The following DOCK3 variants were observed in gnomAD, a reference collection of about 807,000 sequenced individuals.
DOCK3 encodes the protein dedicator of cytokinesis 3.
In DOCK3, 60 loss-of-function variants were observed where a neutral mutation model predicts 265.6. That is an observed-to-expected ratio of 0.23 (90% CI 0.18 to 0.28). The LOEUF is 0.28. Ranked by LOEUF, DOCK3 falls within the 10% of genes least tolerant of loss-of-function variation. DOCK3 has a pLI of 1.00. For synonymous variants in DOCK3, 881 were observed against 938.0 expected (o/e 0.94, Z 1.11); for missense variants, 1,981 against 2,594.3 (o/e 0.76, Z 5.14).
chr3:51,007,310 G>A (rs1262772683), intron 5 of DOCK3, among the ~76,000 whole-genome samples: 2 of 152,088 alleles, frequency 1.3e-5, no homozygotes, highest in Admixed American at 6.6e-5. Context: ...TTTAATGATC[G>A]CCATTTTAAC....
chr3:51,012,925 C>T (rs565097720), intron 5 of DOCK3, among the ~76,000 whole-genome samples: 10 of 152,242 alleles, frequency 6.6e-5, no homozygotes, highest in Middle Eastern at 6.8e-3. Flanking sequence ...ACCCTTTCTT[C>T]TACTTGATCG....
intron 27 of DOCK3, among the ~76,000 whole-genome samples, chr3:51,295,968 G>C (rs578084715): frequency 1.9e-4 from 29 of 152,282 alleles, no homozygotes; most frequent in African/African-American, 6.3e-4. Flanking sequence ...AGCCTCCCAA[G>C]TAGCTGGAAC....
intron 4 of DOCK3, among the ~76,000 whole-genome samples, chr3:50,914,835 C>T (rs1252697135): frequency 1.3e-5 from 2 of 152,084 alleles, no homozygotes; most frequent in Non-Finnish European, 2.9e-5. Context: ...GCTTTTCCCA[C>T]AATGGGGAGA....
Position 50,732,711 on chromosome 3 carries a change from A to G in DOCK3, c.38-45964A>G, listed in dbSNP as rs574764839. 8.5e-5 allele frequency among the ~76,000 whole-genome samples: 13 copies of G among 152,242 alleles called. No homozygotes were observed. The South Asian group carries it at 2.7e-3, about 32-fold the overall frequency. ...CAGGTGTGAACCACTGTACCTGGCC[A>G]TAAAAAATGAATTACGTATTTCTAT... On this transcript the variant is annotated intron_variant, in intron 1 of 52. Transcript: ENST00000266037.
At chr3:50,925,321 G>C (rs898039916) in intron 4 of DOCK3, among the ~76,000 whole-genome samples, 2 of 152,148 alleles carry the variant, frequency 1.3e-5, no homozygotes, top group African/African-American at 4.8e-5. Flanking sequence ...AGTATTTTAT[G>C]TATATCAGAT....
chr3:50,817,124 T>G (rs904095105), intron 2 of DOCK3, among the ~76,000 whole-genome samples: 1 of 152,238 alleles, frequency 6.6e-6, no homozygotes, highest in Non-Finnish European at 1.5e-5. Flanking sequence ...CTCCTCATTT[T>G]AGACCATATA....
At chr3:51,055,409 G>A (rs972307432) in intron 5 of DOCK3, among the ~76,000 whole-genome samples, 2 of 152,036 alleles carry the variant, frequency 1.3e-5, no homozygotes, top group African/African-American at 4.8e-5. Context: ...TTACTCTTAG[G>A]GCTTTTTTAG....
At chr3:51,085,998 GAC>G (rs1576017733) in intron 7 of DOCK3, among the ~76,000 whole-genome samples, 1 of 152,164 alleles carries the variant, frequency 6.6e-6, no homozygotes, top group South Asian at 2.1e-4. Flanking sequence ...AGGAATTAAA[GAC>G]ACACACACAG....
intron 5 of DOCK3, among the ~76,000 whole-genome samples, chr3:51,032,544 A>G (rs545109256): frequency 1.4e-4 from 21 of 152,050 alleles, no homozygotes; most frequent in African/African-American, 4.8e-4. Context: ...ACTATTTTCA[A>G]TCTTGTGTTC....
intron 5 of DOCK3, among the ~76,000 whole-genome samples, chr3:50,970,979 T>TA (rs56109049): frequency 0.75 from 52,494 of 69,662 alleles, 21,078 homozygotes; most frequent in East Asian, 0.9. Context: ...TATATATATA[T>TA]TTTTTTTATT....
chr3:50,889,972 A>G, intron 3 of DOCK3, 54 bp from the exon 4 acceptor site: 2 of 1,314,074 alleles, frequency 1.5e-6, no homozygotes, highest in Non-Finnish European at 2.0e-6. Flanking sequence ...TGTATATATG[A>G]AATGTTAATC....
At chr3:51,362,790 T>C in intron 49 of DOCK3, 116 bp downstream of exon 49, 1 of 1,412,878 alleles carries the variant, frequency 7.1e-7, no homozygotes, top group Non-Finnish European at 9.5e-7. Context: ...TAGAGAATAC[T>C]CATTTGTGCT....
chr3:51,105,846 C>T (rs530134058), intron 9 of DOCK3, among the ~76,000 whole-genome samples: 1 of 152,306 alleles, frequency 6.6e-6, no homozygotes, highest in South Asian at 2.1e-4. Flanking sequence ...CATGGGGCTA[C>T]CATGCACCAG....
chr3:51,214,227 T>C lies in DOCK3; in HGVS notation c.1232T>C (p.Phe411Ser), dbSNP rs2089659762. Residue 411 changes from phenylalanine to serine, a missense_variant, in exon 14 of 53, where the codon TTT becomes TCT. Physicochemically the swap from Phe to Ser is radical, Grantham distance 155 (BLOSUM62 -2). This residue lies in a region of DOCK3 where 456 missense variants were observed against 539.0 expected (regional missense o/e 0.85). Transcript: ENST00000266037. ...TTGGCAATTACAAGAAAATTGGGAT[T>C]TCCTGATGTCATTATGCCAGGTATG... is the stretch of plus-strand genomic sequence containing the variant. ...RGLAITRKLG[F>S]PDVIMPGDIR... 1 of 1,613,640 alleles carries C rather than the reference T, an allele frequency of 6.2e-7. No individual in the cohort carries two copies. Among genetic ancestry groups the C allele is most frequent in the Non-Finnish European group, 8.5e-7 (1 of 1,179,800 alleles).
chr3:50,862,438 A>G (rs976215665), intron 3 of DOCK3, among the ~76,000 whole-genome samples: 1 of 152,196 alleles, frequency 6.6e-6, no homozygotes, highest in African/African-American at 2.4e-5. Flanking sequence ...GTTCTCCCTT[A>G]GGTAGGCTGA....
intron 5 of DOCK3, among the ~76,000 whole-genome samples, chr3:51,025,558 G>A (rs1441914656): frequency 1.3e-5 from 2 of 152,052 alleles, no homozygotes; most frequent in East Asian, 1.9e-4. Flanking sequence ...GCAAAGTCAC[G>A]TGCCCAGCTT....
At chr3:51,008,856 T>A (rs1264779765) in intron 5 of DOCK3, among the ~76,000 whole-genome samples, 1 of 152,230 alleles carries the variant, frequency 6.6e-6, no homozygotes, top group African/African-American at 2.4e-5. Context: ...AAAGGCCTTT[T>A]CTGCGTCTGT....
chr3:51,067,427 T>TTGTGTG (rs60551624), intron 6 of DOCK3, among the ~76,000 whole-genome samples: 9,679 of 143,988 alleles, frequency 0.067, 388 homozygotes, highest in African/African-American at 0.1. Context: ...TGAAATATGT[T>TTGTGTG]TGTGTGTGTG....
At chr3:50,697,177 C>T (rs1238571964) in intron 1 of DOCK3, among the ~76,000 whole-genome samples, 5 of 151,982 alleles carry the variant, frequency 3.3e-5, no homozygotes, top group Admixed American at 6.6e-5. Context: ...GTGATCCACC[C>T]GCCTCAGCCT....
Sources: allele counts gnomAD v4.1 joint callset (sites outside exome capture counted in the v4.1 genomes callset), GRCh38; gene constraint gnomAD v4.1.1; regional missense constraint gnomAD v4.1.1; transcripts MANE v1.5; gene names NCBI Gene and HGNC (gene_info 2026-07-23, HGNC 2026-07-21).